The following SYT7 variants were observed in gnomAD, a reference collection of about 807,000 sequenced individuals.
The protein encoded by SYT7 is synaptotagmin 7.
In SYT7, 29 loss-of-function variants were observed where a neutral mutation model predicts 75.1. The observed-to-expected ratio is 0.39, with a 90% CI of 0.29 to 0.53. The LOEUF (loss-of-function observed/expected upper bound fraction) is 0.53, where lower values mean the gene tolerates loss of function less well. SYT7 is among the 20% of genes least tolerant of loss of function. The probability of loss-of-function intolerance (pLI) is 0.77; values close to 1 mark genes in which losing one functional copy is unlikely to be tolerated. For missense variants in SYT7, 693 were observed against 953.2 expected (o/e 0.73, Z 3.59); for synonymous variants, 376 against 401.7 (o/e 0.94, Z 0.76).
chr11:61,544,276 C>T (rs933835823), intron 5 of SYT7, among the ~76,000 whole-genome samples: 3 of 152,174 alleles, frequency 2.0e-5, no homozygotes, highest in Non-Finnish European at 2.9e-5. Flanking sequence ...CGCAACCAGA[C>T]CTCAGCTTTG....
At chr11:61,583,881 CT>C (rs2064331976), upstream of SYT7, among the ~76,000 whole-genome samples, 1 of 152,214 alleles carries the variant, frequency 6.6e-6, no homozygotes, top group African/African-American at 2.4e-5. Context: ...GAAGACACCC[CT>C]TCTCTGGGCC....
At chr11:61,520,515 C>G (rs1340617574) in intron 12 of SYT7, among the ~76,000 whole-genome samples, 3 of 149,646 alleles carry the variant, frequency 2.0e-5, no homozygotes, top group African/African-American at 7.4e-5. Flanking sequence ...TACAGTGAGA[C>G]TCTGTCTAAA....
In SYT7 at chr11:61,548,618, C is replaced by T. The variant is rs142706546; in HGVS notation, c.216-1310G>A. ...GGCCTGGGGAAGACTGAGGCTGTGC[C>T]GCTCCCCAAAGCCAAGGTGGGGCAG... On this transcript the variant is annotated intron_variant, in intron 3 of 12. Transcript: ENST00000539008. 3.9e-3 allele frequency among the ~76,000 whole-genome samples: 592 copies of T among 152,180 alleles called. 9 individuals carry two copies. The highest frequency in any genetic ancestry group is 0.013 in the African/African-American group (552 of 41,492).
chr11:61,571,324 C>T (rs180753790), intron 1 of SYT7, among the ~76,000 whole-genome samples: 1 of 152,358 alleles, frequency 6.6e-6, no homozygotes, highest in Admixed American at 6.5e-5. Context: ...CCTGTGCCTC[C>T]ACCCAATTTC....
intron 8 of SYT7, among the ~76,000 whole-genome samples, chr11:61,529,111 C>T (rs2062623789): frequency 6.6e-6 from 1 of 152,152 alleles, no homozygotes; most frequent in African/African-American, 2.4e-5. Flanking sequence ...AGACCACTGA[C>T]CACAACAGAC....
At chr11:61,532,885 G>A in intron 8 of SYT7, 104 bp downstream of exon 8, 1 of 1,495,714 alleles carries the variant, frequency 6.7e-7, no homozygotes, top group South Asian at 1.3e-5. Context: ...TTCCCTGCCT[G>A]GCCACTCCCA....
chr11:61,560,436 C>T (rs1292802170), intron 1 of SYT7, among the ~76,000 whole-genome samples: 1 of 152,172 alleles, frequency 6.6e-6, no homozygotes, highest in Non-Finnish European at 1.5e-5. Context: ...GAAAGTTGAA[C>T]TCTTCTGGAT....
rs1315837912 is a variant in SYT7 at position 61,576,816 on chromosome 11, G to A, written c.31+3974C>T. 6.6e-6 allele frequency among the ~76,000 whole-genome samples: 1 copy of A among 152,082 alleles called. No homozygotes were observed. Among genetic ancestry groups the A allele is most frequent in the Non-Finnish European group, 1.5e-5 (1 of 67,990 alleles). On this transcript the variant is annotated intron_variant, in intron 1 of 12. Transcript: ENST00000539008. This position sits in a 1 kb window ranked among gnomAD's most constrained non-coding sequence, Gnocchi z 4.1. ...CATCCTGCAATGGCCGGGCTAGAGGGTGTAACAAGGAGACAGCCCCCACTG... is the reference window on the plus strand; with the variant it reads ...CATCCTGCAATGGCCGGGCTAGAGGATGTAACAAGGAGACAGCCCCCACTG...
chr11:61,585,507 C>A (rs2064367573), upstream of SYT7, among the ~76,000 whole-genome samples: 1 of 152,136 alleles, frequency 6.6e-6, no homozygotes, highest in Non-Finnish European at 1.5e-5. Context: ...CCTGTACCTT[C>A]TCCTACCCCC....
At chr11:61,577,282 C>T (rs1404693131) in intron 1 of SYT7, among the ~76,000 whole-genome samples, 2 of 152,260 alleles carry the variant, frequency 1.3e-5, no homozygotes, top group South Asian at 2.1e-4. Flanking sequence ...TGTGTCCTGG[C>T]CTGTGGGGAG....
At position 61,513,782 on chromosome 11, in the gene SYT7, G is replaced by A. The variant is rs575974218; in HGVS notation, c.*4845C>T. Among the ~76,000 whole-genome samples the A allele has an allele frequency of 3.3e-5, 5 of 151,900 alleles. No homozygotes were observed. The highest frequency in any genetic ancestry group is 3.3e-4 in the Admixed American group (5 of 15,280). ...CACATGGAACATGTATGCAGACAGGGATCCCTGCCCAGGGGGCTCACAATC... is the reference window on the plus strand; with the variant it reads ...CACATGGAACATGTATGCAGACAGGAATCCCTGCCCAGGGGGCTCACAATC... On this transcript the variant is annotated 3_prime_UTR_variant, in exon 13 of 13. Coordinates refer to ENST00000539008, the MANE Select transcript of SYT7 (RefSeq NM_001365809.2).
In SYT7 at chr11:61,524,032, T is replaced by C; in HGVS notation, c.1642-91A>G. ...CCCCCAGGTCCCCTCTACCCTGACC[T>C]TGGTGCTTACCCATGCCCCTGTCTG... On this transcript the variant is annotated intron_variant, in intron 10 of 12. Coordinates refer to ENST00000539008, the MANE Select transcript of SYT7 (RefSeq NM_001365809.2). The surrounding 1 kb of genome is among the most constrained non-coding windows in gnomAD (Gnocchi z 4.1). 8.5e-7 allele frequency: 1 copy of C among 1,180,542 alleles called. No individual in the cohort carries two copies. Among genetic ancestry groups the C allele is most frequent in the Non-Finnish European group, 1.2e-6 (1 of 801,082 alleles). The allele number at this position is 1,180,542 out of a possible 1,614,324, so 73.1% of individuals were successfully genotyped here.
At chr11:61,526,609 A>G (rs1184294155) in intron 9 of SYT7, 1 of 152,254 alleles carries the variant, frequency 6.6e-6, no homozygotes, top group Non-Finnish European at 1.5e-5. Flanking sequence ...CCCAGTACGT[A>G]GAAGAGTGCC....
At chr11:61,541,361 G>A (rs2063036975) in intron 6 of SYT7, 3 of 954,704 alleles carry the variant, frequency 3.1e-6, no homozygotes, top group Non-Finnish European at 3.7e-6. Context: ...GCCCAGACCT[G>A]TCTTAGGCTC....
rs2063201389 is a variant in SYT7, at chr11:61,546,674, A to C, written c.348-419T>G. ...GGAAGAGCGGGCTGTCCAGGCCAGGAGGCCCCAAGGCAGGGAGAAAGAGAA... is the reference window on the plus strand; with the variant it reads ...GGAAGAGCGGGCTGTCCAGGCCAGGCGGCCCCAAGGCAGGGAGAAAGAGAA... On this transcript the variant is annotated intron_variant, in intron 4 of 12. Coordinates refer to ENST00000539008, the MANE Select transcript of SYT7 (RefSeq NM_001365809.2). This position sits in a 1 kb window ranked among gnomAD's most constrained non-coding sequence, Gnocchi z 7.6. 2.2e-6 allele frequency: 1 copy of C among 461,250 alleles called. No individual in the cohort carries two copies. The highest frequency in any genetic ancestry group is 2.0e-5 in the African/African-American group (1 of 50,168). 28.6% of individuals were successfully genotyped at this position (461,250 alleles called of 1,614,324 possible).
intron 1 of SYT7, among the ~76,000 whole-genome samples, 182 bp from the exon 2 acceptor site, chr11:61,556,389 G>T (rs1468290763): frequency 6.6e-6 from 1 of 152,194 alleles, no homozygotes; most frequent in Non-Finnish European, 1.5e-5. Context: ...CTCTCTGTGT[G>T]CCTCAGTTTC....
chr11:61,534,429 A>G (rs73496253), intron 7 of SYT7, among the ~76,000 whole-genome samples: 4,350 of 92,764 alleles, frequency 0.047, 197 homozygotes, highest in African/African-American at 0.17. Context: ...ATGCGCATAC[A>G]CACACGCACA....
intron 8 of SYT7, among the ~76,000 whole-genome samples, chr11:61,532,315 A>C (rs190267423): frequency 2.6e-5 from 4 of 152,254 alleles, no homozygotes; most frequent in African/African-American, 9.6e-5. Context: ...AGGTGGGGCA[A>C]GTGGCTGTGA....
chr11:61,544,402 A>G (rs916207911), intron 5 of SYT7, among the ~76,000 whole-genome samples: 4 of 152,196 alleles, frequency 2.6e-5, no homozygotes, highest in Non-Finnish European at 4.4e-5. Context: ...TATAGTAAAG[A>G]GAGAGGGAAA....
Sources: gnomAD v4.1 joint callset for allele counts (sites outside exome capture counted in the v4.1 genomes callset) on GRCh38, gnomAD v4.1.1 for gene constraint, Gnocchi (gnomAD v3.1) non-coding constraint, MANE v1.5 for transcripts, NCBI Gene and HGNC (gene_info 2026-07-23, HGNC 2026-07-21) for gene names.